POLRMT: variants seen among roughly 807,000 people sequenced by gnomAD.
POLRMT encodes DNA-directed RNA polymerase, mitochondrial.
Under a neutral mutation model 132.2 loss-of-function variants are expected in POLRMT, and 114 were observed. That is an observed-to-expected ratio of 0.86 (90% confidence interval 0.74 to 1.01). The LOEUF (loss-of-function observed/expected upper bound fraction) is 1.01, where lower values mean the gene tolerates loss of function less well. Among genes scored for constraint, POLRMT ranks in the 50% least tolerant of loss-of-function variants. The pLI, the probability that POLRMT is intolerant of heterozygous loss-of-function variation, is 0.00. For missense variants in POLRMT, 2,003 were observed against 1,729.1 expected, an observed-to-expected ratio of 1.16 and a Z score of -2.81; for synonymous variants, 1,020 against 773.4, an observed-to-expected ratio of 1.32 and a Z score of -5.29.
intron 9 of POLRMT, 51 bp downstream of exon 9, chr19:622,098 C>T (rs1293210435): frequency 1.4e-6 from 2 of 1,471,390 alleles, no homozygotes; most frequent in East Asian, 5.0e-5. Flanking sequence ...CATGGGGTCC[C>T]TGGTCCTCCC....
chr19:620,946 G>GGCGCGGGGGCGCC lies in POLRMT; in HGVS notation c.2640+111_2640+112insGGCGCCCCCGCGC, dbSNP rs1984506839. The GGCGCGGGGGCGCC allele has an allele frequency of 8.1e-6, 3 of 369,440 alleles. 1 individual carries two copies. Among genetic ancestry groups the GGCGCGGGGGCGCC allele is most frequent in the Non-Finnish European group, 1.2e-5 (3 of 245,052 alleles). 22.9% of individuals were successfully genotyped at this position (369,440 alleles called of 1,614,324 possible). On this transcript the variant is annotated intron_variant, in intron 10 of 20. Transcript: ENST00000588649. Reference sequence around the variant, plus strand: ...GCAGGGGGCGCCAGGGGAGGGGGAGGGGAGGAGGAAGACGGGCAGGGGGCG... The same window carrying GGCGCGGGGGCGCC: ...GCAGGGGGCGCCAGGGGAGGGGGAGGGCGCGGGGGCGCCGGAGGAGGAAGACGGGCAGGGGGCG...
intron 15 of POLRMT, 99 bp downstream of exon 15, chr19:618,898 T>C (rs1984250241): frequency 7.4e-7 from 1 of 1,347,122 alleles, no homozygotes; most frequent in Non-Finnish European, 1.0e-6. Context: ...ACTGGGGCGG[T>C]GGTACACTGG....
At position 625,461 on chromosome 19, in the gene POLRMT, G is replaced by C. The variant is rs1179917813; in HGVS notation, c.823-207C>G. On this transcript the variant is annotated intron_variant, in intron 3 of 20. Transcript: ENST00000588649. ...CAGAGGCAGCCGCATGGCCCGCCAG[G>C]TGGGACTGTGGGAGGTTCACGTTCC... 1.6e-5 allele frequency: 9 copies of C among 573,396 alleles called. No homozygotes were observed. In the African/African-American group the frequency reaches 1.7e-4, roughly 11 times the overall value. The allele number at this position is 573,396 out of a possible 1,614,324, so 35.5% of individuals were successfully genotyped here. A position where few individuals can be genotyped will look rare whatever the true frequency, so the allele number is the denominator to read the frequency against.
intron 9 of POLRMT, 35 bp downstream of exon 9, chr19:622,114 G>C: frequency 1.3e-6 from 2 of 1,502,794 alleles, no homozygotes; most frequent in Non-Finnish European, 1.8e-6. Context: ...CTCCCAGCGG[G>C]ATGCCCCCCA....
rs1427118803 is a variant in POLRMT at position 621,714 on chromosome 19, C to T, written c.1984G>A (p.Ala662Thr). 2 of 1,594,200 alleles carry T rather than the reference C, an allele frequency of 1.3e-6. No individual in the cohort carries two copies. Among genetic ancestry groups the T allele is most frequent in the Non-Finnish European group, 1.7e-6 (2 of 1,175,324 alleles). ...PLPWTSPHSGAFLLSPTKLMR... is the reference protein window; with the variant it reads ...PLPWTSPHSGTFLLSPTKLMR... Reference sequence around the variant, plus strand: ...AGCTTGGTGGGGCTGAGCAGGAAAGCACCAGAGTGCGGCGATGTCCAGGGC... The same window carrying T: ...AGCTTGGTGGGGCTGAGCAGGAAAGTACCAGAGTGCGGCGATGTCCAGGGC... Residue 662 changes from alanine (A) to threonine (T), a missense_variant, in exon 10 of 21, where the codon GCT (alanine) becomes ACT (threonine). Coordinates refer to ENST00000588649, the MANE Select transcript of POLRMT (RefSeq NM_005035.4).
At position 630,187 on chromosome 19, in the gene POLRMT, G is replaced by A. The variant is rs199764871; in HGVS notation, c.194-19C>T. On this transcript the variant is annotated intron_variant, in intron 2 of 20. Coordinates refer to ENST00000588649, the MANE Select transcript of POLRMT (RefSeq NM_005035.4). ...TGGAGCACTGTGAGGGGCAGAAGGC[G>A]AGGACATGAGAGGGACCCCCTCCCC... 1,096 of 1,552,934 alleles carry A rather than the reference G, an allele frequency of 7.1e-4. No individual in the cohort carries two copies. The highest frequency in any genetic ancestry group is 9.0e-4 in the Non-Finnish European group (1,033 of 1,149,260).
intron 3 of POLRMT, among the ~76,000 whole-genome samples, chr19:628,271 CCT>C (rs1449213717): frequency 6.6e-6 from 1 of 152,220 alleles, no homozygotes; most frequent in Admixed American, 6.5e-5. Context: ...CCAAAAGCGC[CCT>C]GTTACAGTGT....
At chr19:624,276 G>A (rs549180866) in intron 5 of POLRMT, among the ~76,000 whole-genome samples, 13 of 152,254 alleles carry the variant, frequency 8.5e-5, no homozygotes, top group African/African-American at 3.1e-4. Flanking sequence ...ATCCACAGAT[G>A]GGGAGGGGAT....
chr19:622,028 A>C (rs1301478350), intron 9 of POLRMT, 121 bp downstream of exon 9: 18 of 1,168,856 alleles, frequency 1.5e-5, no homozygotes, highest in Non-Finnish European at 1.9e-5. Context: ...GTGTGTCCCG[A>C]GTCCTGGGAG....
rs374372657 is a variant in POLRMT at position 630,709 on chromosome 19, A to T, written c.194-541T>A. Among the ~76,000 whole-genome samples the T allele has an allele frequency of 9.2e-5, 14 of 152,202 alleles. No homozygotes were observed. The East Asian group carries it at 1.7e-3, about 19-fold the overall frequency. On this transcript the variant is annotated intron_variant, in intron 2 of 20. Transcript: ENST00000588649. ...CCCCCCCAGCTGGTGGAGCTGCCAC[A>T]CACACACTCCTAGGCTCCCAGTGTC...
In POLRMT at chr19:617,561, G is replaced by A. The variant is rs1048277693; in HGVS notation, c.3581+9C>T. 3.1e-6 allele frequency: 5 copies of A among 1,611,300 alleles called. No homozygotes were observed. The highest frequency in any genetic ancestry group is 1.3e-5 in the African/African-American group (1 of 75,000). On this transcript the variant is annotated intron_variant, in intron 19 of 20. Transcript: ENST00000588649. ...GAATCCAGGTAGTTGGGGTCAGGGAGCGCCTTACTCAGAGCAGAACCGCTT... is the reference window on the plus strand; with the variant it reads ...GAATCCAGGTAGTTGGGGTCAGGGAACGCCTTACTCAGAGCAGAACCGCTT...
Position 619,578 on chromosome 19 carries a change from T to C in POLRMT, c.3066+8A>G. On this transcript the variant is annotated splice_region_variant and intron_variant, in intron 13 of 20. Coordinates refer to ENST00000588649, the MANE Select transcript of POLRMT (RefSeq NM_005035.4). ...CAACGTGTTCGCAGCGCGACATGCC[T>C]GGCGCACCTGGGGAAAGTCGCTCAG... 1.2e-6 allele frequency: 2 copies of C among 1,611,392 alleles called. No individual in the cohort carries two copies. Among genetic ancestry groups the C allele is most frequent in the East Asian group, 2.2e-5 (1 of 44,866 alleles).
chr19:623,270 C>T (rs1334427172), intron 6 of POLRMT, among the ~76,000 whole-genome samples, 184 bp downstream of exon 6: 1 of 152,222 alleles, frequency 6.6e-6, no homozygotes, highest in Non-Finnish European at 1.5e-5. Context: ...GTTCCTAGGC[C>T]CTGCATGACC....
In POLRMT at chr19:619,210, C is replaced by T; in HGVS notation, c.3153G>A (p.Gln1051=). Reference sequence around the variant, plus strand: ...CGAGCGGGGACAGGACAGGACGTACCTGGATGGCCCGGGTCCCCGAGAACA... The same window carrying T: ...CGAGCGGGGACAGGACAGGACGTACTTGGATGGCCCGGGTCCCCGAGAACA... ...QEMFSGTRAI[Q]HWLTESARLI... Residue 1051 remains glutamine, a splice_region_variant and synonymous_variant, in exon 14 of 21, where the codon CAG becomes CAA. Coordinates refer to ENST00000588649, the MANE Select transcript of POLRMT (RefSeq NM_005035.4). 6.2e-7 allele frequency: 1 copy of T among 1,611,384 alleles called. No homozygotes were observed. The highest frequency in any genetic ancestry group is 1.7e-5 in the Admixed American group (1 of 59,824).
intron 17 of POLRMT, 130 bp from the exon 18 acceptor site, chr19:617,979 C>T: frequency 2.7e-6 from 2 of 734,378 alleles, no homozygotes; most frequent in Non-Finnish European, 4.6e-6. Flanking sequence ...AGGCCTCGCC[C>T]CACCCCTCGC....
chr19:619,570 G>A lies in POLRMT; in HGVS notation c.3066+16C>T, dbSNP rs777462598. On this transcript the variant is annotated intron_variant, in intron 13 of 20. Transcript: ENST00000588649. ...AGTGAAACCAACGTGTTCGCAGCGC[G>A]ACATGCCTGGCGCACCTGGGGAAAG... 59 of 1,611,336 alleles carry A rather than the reference G, an allele frequency of 3.7e-5. No homozygotes were observed. Among genetic ancestry groups the A allele is most frequent in the Admixed American group, 8.3e-5 (5 of 59,914 alleles).
At position 621,808 on chromosome 19, in the gene POLRMT, C is replaced by T. The variant is rs529861964; in HGVS notation, c.1890G>A (p.Leu630=). The T allele has an allele frequency of 1.4e-5, 22 of 1,602,580 alleles. No homozygotes were observed. The East Asian group carries it at 4.5e-4, about 32-fold the overall frequency. ...GCGTGGGCTCCGCGGCCTTCTCCAG[C>T]AGCTGCACGTAGGCCGGGTGCGGCT... The part of the protein sequence containing the change: ...ILKPHPAYVQ[L]LEKAAEPTLT... The change falls in exon 10 of 21, where the codon CTG becomes CTA. Residue 630 remains leucine (L), a synonymous_variant. Transcript: ENST00000588649.
rs778113155 is a variant in POLRMT at position 621,508 on chromosome 19, G to A, written c.2190C>T (p.Gly730=). The change falls in exon 10 of 21, where the codon GGC becomes GGT. Residue 730 remains glycine, a synonymous_variant. Coordinates refer to ENST00000588649, the MANE Select transcript of POLRMT (RefSeq NM_005035.4). ...LFQAKGCPQL[G]VPAPPSEAPQ... is the part of the protein sequence containing the mutation. The stretch of plus-strand genomic sequence containing the variant: ...GCGCCTCGGAGGGCGGGGCCGGCAC[G>A]CCTAGCTGGGGGCAGCCCTTGGCCT... 33 of 1,383,462 alleles carry A rather than the reference G, an allele frequency of 2.4e-5. No individual in the cohort carries two copies. Among genetic ancestry groups the A allele is most frequent in the African/African-American group, 6.1e-5 (4 of 65,104 alleles). The allele number at this position is 1,383,462 out of a possible 1,614,324, so 85.7% of individuals were successfully genotyped here. A position where few individuals can be genotyped will look rare whatever the true frequency, so the allele number is the denominator to read the frequency against.
chr19:618,035 A>AG, intron 17 of POLRMT, 186 bp from the exon 18 acceptor site: 1 of 526,154 alleles, frequency 1.9e-6, no homozygotes, highest in Non-Finnish European at 3.3e-6. Context: ...GTACAGGGGG[A>AG]GGAAATGTTC....
Sources: gnomAD v4.1 joint callset for allele counts (sites outside exome capture counted in the v4.1 genomes callset) on GRCh38, gnomAD v4.1.1 for gene constraint, MANE v1.5 for transcripts, NCBI Gene and HGNC (gene_info 2026-07-23, HGNC 2026-07-21) for gene names.